CD36: variants seen among roughly 807,000 people sequenced by gnomAD.
The protein encoded by CD36 is CD36 molecule (CD36 blood group), also known as platelet glycoprotein 4.
A neutral mutation model predicts 55.2 loss-of-function variants in CD36; 119 were observed. That is an observed-to-expected ratio of 2.15 (90% CI 1.86 to 2.51). The LOEUF (loss-of-function observed/expected upper bound fraction) is 2.51, where lower values mean the gene tolerates loss of function less well. Ranked by LOEUF, CD36 falls within the 30% of genes most tolerant of loss-of-function variation. The pLI is 0.00. For missense variants in CD36, 819 were observed against 555.5 expected (o/e 1.47, Z -4.77); for synonymous variants, 186 against 193.6 (o/e 0.96, Z 0.33).
At chr7:80,620,410 G>A (rs1786754195) in intron 1 of CD36, among the ~76,000 whole-genome samples, 1 of 152,150 alleles carries the variant, frequency 6.6e-6, no homozygotes, top group South Asian at 2.1e-4. Context: ...GCAGCTCACA[G>A]AAGTCAGGGA....
chr7:80,655,990 G>A (rs1423702364), intron 3 of CD36, among the ~76,000 whole-genome samples: 3 of 151,598 alleles, frequency 2.0e-5, no homozygotes, highest in Non-Finnish European at 4.4e-5. Flanking sequence ...TTGAAGACAC[G>A]GTGTCAAATT....
At chr7:80,614,943 T>C (rs1793066865) in intron 1 of CD36, among the ~76,000 whole-genome samples, 1 of 152,140 alleles carries the variant, frequency 6.6e-6, no homozygotes, top group South Asian at 2.1e-4. Context: ...ATTACTTCTC[T>C]TCTGTCTACC....
chr7:80,624,849 A>G (rs748902272), intron 1 of CD36: 13 of 152,096 alleles, frequency 8.5e-5, no homozygotes, highest in Non-Finnish European at 1.6e-4. Flanking sequence ...ATTCTCTTAT[A>G]TTAATATTGT....
At chr7:80,647,517 G>A (rs1795261470) in intron 3 of CD36, among the ~76,000 whole-genome samples, 4 of 152,124 alleles carry the variant, frequency 2.6e-5, no homozygotes, top group Admixed American at 2.6e-4. Context: ...TGATTGAATA[G>A]ATGGGCTTTG....
intron 1 of CD36, among the ~76,000 whole-genome samples, chr7:80,642,383 C>T (rs1001948477): frequency 1.3e-5 from 2 of 151,994 alleles, no homozygotes; most frequent in African/African-American, 4.8e-5. Context: ...TTTTTTTATG[C>T]TTTAGACAGC....
chr7:80,629,471 C>G (rs1366997774), intron 1 of CD36, among the ~76,000 whole-genome samples: 1 of 151,994 alleles, frequency 6.6e-6, no homozygotes, highest in Non-Finnish European at 1.5e-5. Context: ...TTTTTAGAGG[C>G]AATACCACAT....
intron 4 of CD36, among the ~76,000 whole-genome samples, chr7:80,659,466 A>C (rs1056779246): frequency 4.6e-5 from 7 of 152,208 alleles, no homozygotes; most frequent in African/African-American, 1.7e-4. Context: ...TTTTTGAGTT[A>C]CTTTGCTTTG....
chr7:80,631,158 T>G (rs184993062), intron 1 of CD36, among the ~76,000 whole-genome samples: 1 of 152,122 alleles, frequency 6.6e-6, no homozygotes, highest in Non-Finnish European at 1.5e-5. Flanking sequence ...ATTCCATACC[T>G]ACTATTGTTT....
intron 3 of CD36, among the ~76,000 whole-genome samples, chr7:80,655,304 TC>T (rs3211857): frequency 0.026 from 3,963 of 152,298 alleles, 168 homozygotes; most frequent in African/African-American, 0.09. Context: ...GTAATAGACT[TC>T]TGGCTCAGAG....
At chr7:80,661,017 C>T (rs369408836) in intron 4 of CD36, 46 bp from the exon 5 acceptor site, 2 of 1,362,510 alleles carry the variant, frequency 1.5e-6, no homozygotes, top group African/African-American at 1.4e-5. Context: ...ATCTAATGTT[C>T]ACATATGACA....
At chr7:80,672,959 C>G in intron 12 of CD36, 116 bp downstream of exon 12, 4 of 736,168 alleles carry the variant, frequency 5.4e-6, no homozygotes, top group Non-Finnish European at 9.8e-6. Flanking sequence ...ATCAACTTAT[C>G]TTTAGCTTAA....
chr7:80,673,752 C>T, intron 13 of CD36: 1 of 580,828 alleles, frequency 1.7e-6, no homozygotes. Flanking sequence ...AACTGTTGAC[C>T]CTTTGATAGT....
At chr7:80,647,283 TA>T (rs1183616525) in intron 3 of CD36, 16 of 209,308 alleles carry the variant, frequency 7.6e-5, no homozygotes, top group East Asian at 2.3e-4. Context: ...TGTGTGTGTG[TA>T]ATGTGTTTAA....
upstream of CD36, among the ~76,000 whole-genome samples, chr7:80,635,370 G>A (rs1794333491): frequency 6.6e-6 from 1 of 152,004 alleles, no homozygotes; most frequent in South Asian, 2.1e-4. Flanking sequence ...CGCCTCCCAG[G>A]TTCAAGCGAT....
chr7:80,645,221 T>A (rs897577630), intron 1 of CD36, among the ~76,000 whole-genome samples: 2 of 151,524 alleles, frequency 1.3e-5, no homozygotes, highest in Non-Finnish European at 2.9e-5. Flanking sequence ...GGTTTCTCTG[T>A]GTTGGTCGGG....
chr7:80,653,068 AATG>A (rs1399706902), intron 3 of CD36, among the ~76,000 whole-genome samples: 1 of 152,184 alleles, frequency 6.6e-6, no homozygotes, highest in African/African-American at 2.4e-5. Flanking sequence ...CTCAAACTTC[AATG>A]ATGATGATTA....
intron 8 of CD36, among the ~76,000 whole-genome samples, chr7:80,668,177 C>T (rs1797306108): frequency 6.6e-6 from 1 of 152,046 alleles, no homozygotes; most frequent in Non-Finnish European, 1.5e-5. Flanking sequence ...AATACTTAGT[C>T]CTTAGATGCA....
At chr7:80,603,409 C>T (rs1792352564) in intron 1 of CD36, among the ~76,000 whole-genome samples, 1 of 152,038 alleles carries the variant, frequency 6.6e-6, no homozygotes, top group African/African-American at 2.4e-5. Context: ...AAGGCTAATA[C>T]TTCCAAAGGG....
In CD36 at chr7:80,629,007, G is replaced by A. The variant is rs1793910659; in HGVS notation, c.-183-17081G>A. Among the ~76,000 whole-genome samples, 5 of 152,068 alleles carry A rather than the reference G, an allele frequency of 3.3e-5. No homozygotes were observed. The South Asian group carries it at 1.0e-3, about 31-fold the overall frequency. On this transcript the variant is annotated intron_variant, in intron 1 of 13. Transcript: ENST00000309881. ...ATGACTTTGAATAGAATGGGAGGCA[G>A]GTTTGCCCTAAGCAGTTCCTAGATT... is the stretch of plus-strand genomic sequence containing the variant.
Sources: gnomAD v4.1 joint callset for allele counts (sites outside exome capture counted in the v4.1 genomes callset) on GRCh38, gnomAD v4.1.1 for gene constraint, MANE v1.5 for transcripts, NCBI Gene and HGNC (gene_info 2026-07-23, HGNC 2026-07-21) for gene names.